SEPTIN9: variants seen among roughly 807,000 people sequenced by gnomAD.
SEPTIN9 encodes septin-9.
SEPTIN9 carries 13 observed loss-of-function variants against 56.6 expected under a neutral mutation model. The observed-to-expected ratio is 0.23, with a 90% CI of 0.15 to 0.37. The LOEUF (loss-of-function observed/expected upper bound fraction) is 0.37, where lower values mean the gene tolerates loss of function less well. Ranked by LOEUF, SEPTIN9 falls within the 10% of genes least tolerant of loss-of-function variation. The pLI, the probability that SEPTIN9 is intolerant of heterozygous loss-of-function variation, is 1.00. For missense variants in SEPTIN9, 650 were observed against 823.1 expected (o/e 0.79, Z 2.57); for synonymous variants, 332 against 334.1 (o/e 0.99, Z 0.07).
chr17:77,309,897 C>T (rs907458368), intron 2 of SEPTIN9, among the ~76,000 whole-genome samples: 7 of 152,304 alleles, frequency 4.6e-5, no homozygotes, highest in East Asian at 1.9e-4. Flanking sequence ...ACTCCTGCTG[C>T]GGTGCCCGCC....
intron 2 of SEPTIN9, among the ~76,000 whole-genome samples, chr17:77,390,279 G>A (rs1324465720): frequency 1.3e-5 from 2 of 148,316 alleles, no homozygotes; most frequent in Non-Finnish European, 3.0e-5. Context: ...CCCGGGAGGC[G>A]GAGCTTGCAG....
intron 1 of SEPTIN9, among the ~76,000 whole-genome samples, chr17:77,288,480 G>A (rs1392088104): frequency 1.3e-5 from 2 of 152,244 alleles, no homozygotes; most frequent in Non-Finnish European, 2.9e-5. Flanking sequence ...ACCAGGAAGG[G>A]CTGGGCAGAG....
chr17:77,467,456 C>T (rs1053553429), intron 3 of SEPTIN9, among the ~76,000 whole-genome samples: 2 of 151,950 alleles, frequency 1.3e-5, no homozygotes, highest in African/African-American at 2.4e-5. Context: ...GGGGAGTGGG[C>T]GGGGAAGAGG....
intron 10 of SEPTIN9, 134 bp downstream of exon 10, chr17:77,493,210 G>C: frequency 1.4e-6 from 1 of 709,616 alleles, no homozygotes; most frequent in Non-Finnish European, 2.5e-6. Context: ...CAGAGGGAGG[G>C]GTCTCCTTGT....
chr17:77,292,742 C>T (rs1490096899), intron 1 of SEPTIN9, among the ~76,000 whole-genome samples: 4 of 152,086 alleles, frequency 2.6e-5, no homozygotes, highest in Non-Finnish European at 4.4e-5. Context: ...GATAGGCTCG[C>T]GTCGGCCTCC....
In SEPTIN9 at chr17:77,405,708, G is replaced by A. The variant is rs2036045234; in HGVS notation, c.721+3005G>A. Among the ~76,000 whole-genome samples, 1 of 152,036 alleles carries A rather than the reference G, an allele frequency of 6.6e-6. No individual in the cohort carries two copies. The highest frequency in any genetic ancestry group is 2.4e-5 in the African/African-American group (1 of 41,376). ...GGCTTCTCGGGGGGCCCAGGCCTGA[G>A]CCCCACTAGTTCTTCCTCCGAGGCA... On this transcript the variant is annotated intron_variant, in intron 3 of 11. Coordinates refer to ENST00000427177, the MANE Select transcript of SEPTIN9 (RefSeq NM_001113491.2). The surrounding 1 kb of genome is among the most constrained non-coding windows in gnomAD (Gnocchi z 5.8).
chr17:77,471,730 T>C (rs1036264411), intron 3 of SEPTIN9, among the ~76,000 whole-genome samples: 1 of 152,260 alleles, frequency 6.6e-6, no homozygotes, highest in African/African-American at 2.4e-5. Context: ...TTTGTAAGTT[T>C]GCAGATTTGC....
At chr17:77,481,853 A>G (rs2039469605) in intron 3 of SEPTIN9, 2 of 468,648 alleles carry the variant, frequency 4.3e-6, no homozygotes, top group Admixed American at 3.6e-5. Flanking sequence ...GGGGGCCCCC[A>G]GCTTGGCACA....
At chr17:77,390,608 C>T (rs1248049391) in intron 2 of SEPTIN9, among the ~76,000 whole-genome samples, 3 of 151,652 alleles carry the variant, frequency 2.0e-5, no homozygotes, top group African/African-American at 4.8e-5. Flanking sequence ...CCCGCCACCA[C>T]GCCCGGCTAA....
intron 2 of SEPTIN9, among the ~76,000 whole-genome samples, chr17:77,366,248 G>C (rs754632518): frequency 6.6e-6 from 1 of 152,152 alleles, no homozygotes; most frequent in African/African-American, 2.4e-5. Context: ...GGGATACTGT[G>C]TCCCCATCTC....
intron 3 of SEPTIN9, among the ~76,000 whole-genome samples, chr17:77,407,349 G>A (rs1380031796): frequency 1.3e-5 from 2 of 150,994 alleles, no homozygotes; most frequent in Non-Finnish European, 2.9e-5. Context: ...CATAATAGGT[G>A]TGCCATGAAA....
At chr17:77,291,302 G>A (rs1426350522) in intron 1 of SEPTIN9, among the ~76,000 whole-genome samples, 1 of 149,954 alleles carries the variant, frequency 6.7e-6, no homozygotes, top group Non-Finnish European at 1.5e-5. Flanking sequence ...CCAAAGTGCT[G>A]GGATTACAGG....
In SEPTIN9 at chr17:77,350,785, G is replaced by A. The variant is rs369152175; in HGVS notation, c.76+43588G>A. ...GGGTGGGAACAGGAGGTGGGTAGAT[G>A]CCACGAGGCATGCCTTCCACAACTA... On this transcript the variant is annotated intron_variant, in intron 2 of 11. Transcript: ENST00000427177. Among the ~76,000 whole-genome samples the A allele has an allele frequency of 1.4e-3, 215 of 152,356 alleles. 6 individuals carry two copies. In the South Asian group the frequency reaches 0.042, roughly 30 times the overall value.
intron 3 of SEPTIN9, among the ~76,000 whole-genome samples, chr17:77,477,647 C>T (rs1034140654): frequency 6.6e-6 from 1 of 152,120 alleles, no homozygotes; most frequent in East Asian, 1.9e-4. Flanking sequence ...CCCAGGAGCT[C>T]GCAGAGCAGG....
intron 1 of SEPTIN9, among the ~76,000 whole-genome samples, chr17:77,300,974 A>C (rs1598485893): frequency 6.0e-5 from 4 of 67,202 alleles, no homozygotes; most frequent in Admixed American, 2.0e-4. Context: ...AAGCATCCCC[A>C]CCCCAGGCTC....
intron 1 of SEPTIN9, among the ~76,000 whole-genome samples, chr17:77,301,394 T>TTGTG (rs56947697): frequency 0.013 from 1,786 of 142,466 alleles, 16 homozygotes; most frequent in African/African-American, 0.027. Context: ...GGGAATAGAT[T>TTGTG]TGTGTGTGTG....
In SEPTIN9 at chr17:77,404,168, TG is replaced by T. The variant is rs200385232; in HGVS notation, c.721+1466del. On this transcript the variant is annotated intron_variant, in intron 3 of 11. Coordinates refer to ENST00000427177, the MANE Select transcript of SEPTIN9 (RefSeq NM_001113491.2). ...ATTCTGTTGTGCGATGCACTTGTGT[TG>T]TGTAGCTGTTCCTCCATCGGTGGAC... Among the ~76,000 whole-genome samples the T allele has an allele frequency of 7.8e-3, 1,195 of 152,334 alleles. 13 individuals carry two copies. The highest frequency in any genetic ancestry group is 0.013 in the Non-Finnish European group (862 of 68,022).
chr17:77,283,787 T>C (rs913508285), intron 1 of SEPTIN9, among the ~76,000 whole-genome samples: 1 of 152,004 alleles, frequency 6.6e-6, no homozygotes, highest in African/African-American at 2.4e-5. Context: ...GTACCGTGGG[T>C]CTATAGACAG....
At chr17:77,482,606 G>A (rs759055585) in intron 4 of SEPTIN9, 1 of 659,676 alleles carries the variant, frequency 1.5e-6, no homozygotes, top group South Asian at 1.6e-5. Context: ...AGCAGGTCCT[G>A]ATGAGTGGTC....
Sources: allele counts gnomAD v4.1 joint callset (sites outside exome capture counted in the v4.1 genomes callset), GRCh38; gene constraint gnomAD v4.1.1; non-coding constraint Gnocchi (gnomAD v3.1); transcripts MANE v1.5; gene names NCBI Gene and HGNC (gene_info 2026-07-23, HGNC 2026-07-21).